Variants in ARHGAP9 observed in about 807,000 individuals in gnomAD.
The protein encoded by ARHGAP9 is rho GTPase-activating protein 9.
In ARHGAP9, 76 loss-of-function variants were observed where a neutral mutation model predicts 87.3. The ratio of observed to expected loss-of-function variants is 0.87; its 90% CI spans 0.72 to 1.05. The LOEUF (loss-of-function observed/expected upper bound fraction) is 1.05, where lower values mean the gene tolerates loss of function less well. ARHGAP9 is among the 50% of genes least tolerant of loss of function. The pLI is 0.00. For missense variants in ARHGAP9, 941 were observed against 960.5 expected, an observed-to-expected ratio of 0.98 and a Z score of 0.27; for synonymous variants, 382 against 394.9, an observed-to-expected ratio of 0.97 and a Z score of 0.39.
intron 1 of ARHGAP9, among the ~76,000 whole-genome samples, chr12:57,486,833 C>T (rs1875451150): frequency 1.4e-5 from 2 of 145,756 alleles, no homozygotes; most frequent in Admixed American, 1.4e-4. Context: ...TTGCAGTGAG[C>T]CGAGATCGCG....
chr12:57,479,486 C>T (rs1874766668), intron 1 of ARHGAP9, 62 bp from the exon 2 acceptor site: 1 of 1,542,968 alleles, frequency 6.5e-7, no homozygotes, highest in Middle Eastern at 1.7e-4. Context: ...TCCAGGTAGA[C>T]AGACATGGTT....
chr12:57,475,279 C>G lies in ARHGAP9; in HGVS notation c.1552+12G>C. ...AGTTTTCTTATCCATGAACCTGGCC[C>G]AGCCCCCTCACCTCGGAGCAGACCC... On this transcript the variant is annotated intron_variant, in intron 12 of 17. Coordinates refer to ENST00000393791, the MANE Select transcript of ARHGAP9 (RefSeq NM_032496.4). The G allele has an allele frequency of 6.4e-7, 1 of 1,574,796 alleles. No individual in the cohort carries two copies. The highest frequency in any genetic ancestry group is 1.2e-5 in the South Asian group (1 of 86,256).
intron 1 of ARHGAP9, 71 bp downstream of exon 1, chr12:57,479,659 G>C: frequency 3.9e-6 from 6 of 1,550,304 alleles, no homozygotes; most frequent in Non-Finnish European, 5.2e-6. Flanking sequence ...GATGTGGTCA[G>C]CAGGGCTGCA....
upstream of ARHGAP9, among the ~76,000 whole-genome samples, chr12:57,484,639 C>T (rs1940872616): frequency 6.6e-6 from 1 of 151,902 alleles, no homozygotes; most frequent in South Asian, 2.1e-4. Flanking sequence ...GAGAGACCTA[C>T]CTCAGTTTGT....
chr12:57,485,869 A>G (rs1268482280), intron 1 of ARHGAP9, among the ~76,000 whole-genome samples: 1 of 152,150 alleles, frequency 6.6e-6, no homozygotes, highest in East Asian at 1.9e-4. Context: ...GCTGGTCTGG[A>G]AGGCTTCACT....
Position 57,472,491 on chromosome 12 carries a change from A to G in ARHGAP9, c.*26T>C. On this transcript the variant is annotated 3_prime_UTR_variant, in exon 18 of 18. Transcript: ENST00000393791. ...CTCACCACCAGAGATGACCGGAAAT[A>G]TGTTTTCTCTTCTTCCTTCCCTGCA... 1.9e-6 allele frequency: 3 copies of G among 1,611,166 alleles called. No individual in the cohort carries two copies. The highest frequency in any genetic ancestry group is 2.5e-6 in the Non-Finnish European group (3 of 1,178,176).
At chr12:57,486,008 A>C (rs886862653) in intron 1 of ARHGAP9, among the ~76,000 whole-genome samples, 3 of 152,308 alleles carry the variant, frequency 2.0e-5, no homozygotes, top group Non-Finnish European at 2.9e-5. Flanking sequence ...ATGGCAGCTC[A>C]AAGCTACCAG....
At position 57,479,291 on chromosome 12, in the gene ARHGAP9, T is replaced by C. The variant is rs371285869; in HGVS notation, c.116A>G (p.Asp39Gly). 6.9e-5 allele frequency: 112 copies of C among 1,614,080 alleles called. No individual in the cohort carries two copies. The highest frequency in any genetic ancestry group is 9.1e-5 in the Non-Finnish European group (107 of 1,180,038). The stretch of plus-strand genomic sequence containing the variant: ...TTCAGCCAGAGACACCTGCTGGCCA[T>C]CTGCCCCAGTATAAGTAAAGGCATA... ...ALYAFTYTGADGQQVSLAEGD... is the reference protein window; with the variant it reads ...ALYAFTYTGAGGQQVSLAEGD... The change falls in exon 2 of 18, where the codon GAT (aspartate) becomes GGT (glycine). Residue 39 changes from aspartate (D) to glycine (G), a missense_variant. Transcript: ENST00000393791.
chr12:57,482,327 G>A (rs376412737), upstream of ARHGAP9, among the ~76,000 whole-genome samples: 4 of 151,336 alleles, frequency 2.6e-5, no homozygotes, highest in African/African-American at 7.3e-5. Context: ...TGCAACCTCC[G>A]CCTCCCAGGT....
intron 1 of ARHGAP9, among the ~76,000 whole-genome samples, chr12:57,487,075 C>A (rs1179146773): frequency 2.0e-5 from 3 of 151,620 alleles, no homozygotes. Context: ...TTCCCGGGTT[C>A]AGGCGATTTT....
At chr12:57,473,250 T>C (rs1872440613) in intron 17 of ARHGAP9, among the ~76,000 whole-genome samples, 1 of 151,968 alleles carries the variant, frequency 6.6e-6, no homozygotes, top group South Asian at 2.1e-4. Flanking sequence ...CCGTCTCTAC[T>C]AAAAATACAA....
chr12:57,480,144 C>A, upstream of ARHGAP9: 1 of 984,326 alleles, frequency 1.0e-6, no homozygotes, highest in Non-Finnish European at 1.2e-6. Context: ...ACACACAAGC[C>A]TCTTGAGGCA....
At chr12:57,473,368 G>A (rs1872484546) in intron 17 of ARHGAP9, among the ~76,000 whole-genome samples, 1 of 152,128 alleles carries the variant, frequency 6.6e-6, no homozygotes, top group African/African-American at 2.4e-5. Context: ...AGCTGAAATT[G>A]CGCCACTGCA....
chr12:57,488,385 C>T (rs1376189035), intron 1 of ARHGAP9: 3 of 715,544 alleles, frequency 4.2e-6, no homozygotes, highest in South Asian at 1.8e-5. Flanking sequence ...CCTTTAATTA[C>T]CCTCAATATA....
chr12:57,482,075 C>G (rs1420057558), upstream of ARHGAP9, among the ~76,000 whole-genome samples: 1 of 152,072 alleles, frequency 6.6e-6, no homozygotes. Flanking sequence ...TATCACAAAC[C>G]TGTTTCTCTC....
chr12:57,477,399 G>C, intron 4 of ARHGAP9, 60 bp downstream of exon 4: 2 of 1,579,164 alleles, frequency 1.3e-6, no homozygotes, highest in South Asian at 2.2e-5. Flanking sequence ...CTACCTTGAG[G>C]TTCATCAGGG....
chr12:57,477,765 C>A, intron 3 of ARHGAP9, 85 bp from the exon 4 acceptor site: 1 of 1,554,734 alleles, frequency 6.4e-7, no homozygotes. Context: ...CTCCTGCTCC[C>A]TCCCCCATTG....
In ARHGAP9 at chr12:57,479,092, A is replaced by G. The variant is rs778715339; in HGVS notation, c.315T>C (p.Pro105=). 3 of 1,614,010 alleles carry G rather than the reference A, an allele frequency of 1.9e-6. No individual in the cohort carries two copies. In the South Asian group the frequency reaches 3.3e-5, roughly 18 times the overall value. ...TVIPGQLLWT[P]GPKLFHGSLE... ...GGAGAGGGCTTAGCGCTTACTCACCAGGAGTCCAGAGCAATTGGCCGGGGA... is the reference window on the plus strand; with the variant it reads ...GGAGAGGGCTTAGCGCTTACTCACCGGGAGTCCAGAGCAATTGGCCGGGGA... The change falls in exon 2 of 18, where the codon CCT becomes CCC. Residue 105 remains proline (P), a splice_region_variant and synonymous_variant. Coordinates refer to ENST00000393791, the MANE Select transcript of ARHGAP9 (RefSeq NM_032496.4).
At position 57,476,228 on chromosome 12, in the gene ARHGAP9, G is replaced by A. The variant is rs917783127; in HGVS notation, c.1117-62C>T. ...TTTCCTTCACTGCTTCCCTCTCCCCGGTGGGCTGTGAGGAGGTGGGAGGCT... is the reference window on the plus strand; with the variant it reads ...TTTCCTTCACTGCTTCCCTCTCCCCAGTGGGCTGTGAGGAGGTGGGAGGCT... On this transcript the variant is annotated intron_variant, in intron 8 of 17. Coordinates refer to ENST00000393791, the MANE Select transcript of ARHGAP9 (RefSeq NM_032496.4). The A allele has an allele frequency of 1.7e-5, 26 of 1,497,508 alleles. No homozygotes were observed. The Admixed American group carries it at 2.3e-4, about 13-fold the overall frequency. The allele number at this position is 1,497,508 out of a possible 1,614,324, so 92.8% of individuals were successfully genotyped here.
Sources: allele counts gnomAD v4.1 joint callset (sites outside exome capture counted in the v4.1 genomes callset), GRCh38; gene constraint gnomAD v4.1.1; transcripts MANE v1.5; gene names NCBI Gene and HGNC (gene_info 2026-07-23, HGNC 2026-07-21).